Variants in HDLBP observed in about 807,000 individuals in gnomAD.
The protein encoded by HDLBP is high density lipoprotein binding protein.
A neutral mutation model predicts 137.3 loss-of-function variants in HDLBP; 30 were observed. The observed-to-expected ratio is 0.22, with a 90% CI of 0.16 to 0.30. The LOEUF is 0.30. Ranked by LOEUF, HDLBP falls within the 10% of genes least tolerant of loss-of-function variation. The pLI is 1.00. For synonymous variants in HDLBP, 606 were observed against 596.0 expected, an observed-to-expected ratio of 1.02 and a Z score of -0.24; for missense variants, 1,119 against 1,667.3, an observed-to-expected ratio of 0.67 and a Z score of 5.73.
At chr2:241,311,288 T>C (rs1341077207) in intron 1 of HDLBP, among the ~76,000 whole-genome samples, 1 of 152,092 alleles carries the variant, frequency 6.6e-6, no homozygotes, top group East Asian at 1.9e-4. Flanking sequence ...CGGAGCAAAA[T>C]GATGTCCAAA....
intron 1 of HDLBP, among the ~76,000 whole-genome samples, chr2:241,292,440 A>G (rs908859976): frequency 2.6e-5 from 4 of 152,232 alleles, no homozygotes; most frequent in Admixed American, 2.6e-4. Flanking sequence ...ACCAAATGCA[A>G]TGTGGAGACC....
rs773929734 is a variant in HDLBP at position 241,239,941 on chromosome 2, C to T, written c.2351G>A (p.Arg784Gln). Residue 784 changes from arginine (R) to glutamine (Q), a missense_variant, in exon 18 of 28, where the codon CGA becomes CAA. By Grantham distance (43) the Arg-to-Gln change is conservative. Transcript: ENST00000310931. This position sits in a 1 kb window ranked among gnomAD's most constrained non-coding sequence, Gnocchi z 4.6. ...ITIIGKEDAV[R>Q]EAQKELEALI... Reference sequence around the variant, plus strand: ...GGCCTCCAGCTCCTTCTGTGCCTCTCGGACGGCGTCCTCCTTTCCAATGAT... The same window carrying T: ...GGCCTCCAGCTCCTTCTGTGCCTCTTGGACGGCGTCCTCCTTTCCAATGAT... The T allele has an allele frequency of 5.5e-5, 89 of 1,614,080 alleles. No homozygotes were observed. The highest frequency in any genetic ancestry group is 8.3e-5 in the Admixed American group (5 of 60,012).
intron 1 of HDLBP, among the ~76,000 whole-genome samples, chr2:241,287,862 A>G (rs747492105): frequency 1.8e-4 from 27 of 152,260 alleles, no homozygotes; most frequent in Non-Finnish European, 2.9e-4. Flanking sequence ...AGTCCTCAAC[A>G]AGCATCAACA....
chr2:241,261,194 CAAAA>C (rs5839776), intron 5 of HDLBP, among the ~76,000 whole-genome samples: 5 of 106,642 alleles, frequency 4.7e-5, no homozygotes, highest in African/African-American at 3.7e-5. Flanking sequence ...GATCCTGTCT[CAAAA>C]AAAAAAAAAA....
At chr2:241,249,387 A>G (rs760869751) in intron 12 of HDLBP, 47 of 472,736 alleles carry the variant, frequency 9.9e-5, no homozygotes, top group East Asian at 2.8e-4. Flanking sequence ...GCTTGGCATA[A>G]GCATGTATGA....
intron 11 of HDLBP, chr2:241,250,229 A>G: frequency 2.7e-6 from 1 of 367,402 alleles, no homozygotes; most frequent in Non-Finnish European, 4.9e-6. Context: ...AAATGCCCCG[A>G]GACCTTCAAA....
In HDLBP at chr2:241,229,581, G is replaced by T. The variant is rs770709432; in HGVS notation, c.*20C>A. 21 of 1,585,250 alleles carry T rather than the reference G, an allele frequency of 1.3e-5. No individual in the cohort carries two copies. Among genetic ancestry groups the T allele is most frequent in the Admixed American group, 1.7e-5 (1 of 59,838 alleles). ...GGGTTTGGGTCAGCAGGCTGGAGAG[G>T]GTTCTGTTCTTTTTGATCATTATCG... On this transcript the variant is annotated 3_prime_UTR_variant, in exon 28 of 28. Coordinates refer to ENST00000310931, the MANE Select transcript of HDLBP (RefSeq NM_005336.6).
At position 241,255,138 on chromosome 2, in the gene HDLBP, G is replaced by A. The variant is rs779766290; in HGVS notation, c.1101C>T (p.Ser367=). 3 of 1,614,156 alleles carry A rather than the reference G, an allele frequency of 1.9e-6. No individual in the cohort carries two copies. The South Asian group carries it at 3.3e-5, about 18-fold the overall frequency. ...GAAGCCAGGAAGGGGCGGCGACAGA[G>A]GAGACGGTGAAGCTATTGGCCTAAG... ...VYAKANSFTV[S]SVAAPSWLHR... is the part of the protein sequence containing the mutation. The change falls in exon 9 of 28, where the codon TCC becomes TCT. Residue 367 remains serine, a synonymous_variant. Coordinates refer to ENST00000310931, the MANE Select transcript of HDLBP (RefSeq NM_005336.6).
At chr2:241,236,588 G>A (rs769821351) in intron 21 of HDLBP, 27 bp downstream of exon 21, 97 of 1,611,478 alleles carry the variant, frequency 6.0e-5, no homozygotes, top group Non-Finnish European at 7.9e-5. Flanking sequence ...CTTGGCGGGG[G>A]GTGGAGGGGG....
At chr2:241,274,137 G>A (rs1280965302) in intron 1 of HDLBP, among the ~76,000 whole-genome samples, 1 of 152,184 alleles carries the variant, frequency 6.6e-6, no homozygotes, top group Non-Finnish European at 1.5e-5. Context: ...AAGACTGGAT[G>A]GATAAGGGGG....
chr2:241,264,574 G>A lies in HDLBP; in HGVS notation c.108C>T (p.Asp36=). The A allele has an allele frequency of 6.2e-7, 1 of 1,613,862 alleles. No individual in the cohort carries two copies. The highest frequency in any genetic ancestry group is 8.5e-7 in the Non-Finnish European group (1 of 1,179,956). Residue 36 remains aspartate, a synonymous_variant, in exon 4 of 28, where the codon GAC becomes GAT. Transcript: ENST00000310931. ...GGAAGGCATCCTTGTAGGTTGGAGG[G>A]TCGCTCTCCTCTTCTGAATTTAGAG... ...VATLNSEEES[D]PPTYKDAFPP...
In HDLBP at chr2:241,262,798, T is replaced by C; in HGVS notation, c.363A>G (p.Lys121=). 1 of 1,614,192 alleles carries C rather than the reference T, an allele frequency of 6.2e-7. No individual in the cohort carries two copies. The highest frequency in any genetic ancestry group is 8.5e-7 in the Non-Finnish European group (1 of 1,180,020). ...ACACCATGATGGAGAGGCCTTGGTC[T>C]TTGGCCAAAGACAGCTCCAAGTGAG... The part of the protein sequence containing the change: ...TGAHLELSLA[K]DQGLSIMVSG... Residue 121 remains lysine, a synonymous_variant, in exon 5 of 28, where the codon AAA becomes AAG. Coordinates refer to ENST00000310931, the MANE Select transcript of HDLBP (RefSeq NM_005336.6).
chr2:241,281,505 A>C (rs897165435), intron 1 of HDLBP, among the ~76,000 whole-genome samples: 1 of 152,194 alleles, frequency 6.6e-6, no homozygotes, highest in African/African-American at 2.4e-5. Flanking sequence ...TGGCTGACCA[A>C]GTGAGACCCT....
chr2:241,233,648 G>A lies in HDLBP; in HGVS notation c.3288+172C>T, dbSNP rs1204803298. On this transcript the variant is annotated intron_variant, in intron 24 of 27. Transcript: ENST00000310931. This position sits in a 1 kb window ranked among gnomAD's most constrained non-coding sequence, Gnocchi z 4.3. Reference sequence around the variant, plus strand: ...TAGTGCCAGAGACCTCACCCATCTGGCAAGTACCGAGACACAGCCCAAACC... The same window carrying A: ...TAGTGCCAGAGACCTCACCCATCTGACAAGTACCGAGACACAGCCCAAACC... Among the ~76,000 whole-genome samples the A allele has an allele frequency of 6.6e-6, 1 of 152,132 alleles. No individual in the cohort carries two copies. The highest frequency in any genetic ancestry group is 2.4e-5 in the African/African-American group (1 of 41,420).
In HDLBP at chr2:241,228,894, C is replaced by T. The variant is rs2069388952; in HGVS notation, c.*707G>A. ...CAGGGGACCCAGATGGTGCCTACCA[C>T]CTTGCCTCCAGGCTCCACTCACCAG... On this transcript the variant is annotated 3_prime_UTR_variant, in exon 28 of 28. Coordinates refer to ENST00000310931, the MANE Select transcript of HDLBP (RefSeq NM_005336.6). The T allele has an allele frequency of 6.5e-6, 1 of 152,830 alleles. No homozygotes were observed. The highest frequency in any genetic ancestry group is 2.4e-5 in the African/African-American group (1 of 41,450). 9.5% of individuals were successfully genotyped at this position (152,830 alleles called of 1,614,324 possible). A position where few individuals can be genotyped will look rare whatever the true frequency, so the allele number is the denominator to read the frequency against.
intron 1 of HDLBP, chr2:241,280,230 TTTA>T: frequency 1.8e-6 from 1 of 541,256 alleles, no homozygotes; most frequent in South Asian, 7.9e-5. Context: ...ATATTACATT[TTTA>T]TTAGCACAAA....
Position 241,256,210 on chromosome 2 carries a change from G to T in HDLBP, c.847C>A (p.Arg283Ser). The T allele has an allele frequency of 6.2e-7, 1 of 1,614,042 alleles. No individual in the cohort carries two copies. The highest frequency in any genetic ancestry group is 8.5e-7 in the Non-Finnish European group (1 of 1,179,964). The change falls in exon 7 of 28, where the codon CGC (arginine) becomes AGC (serine). Residue 283 changes from arginine to serine, a missense_variant. By Grantham distance (110) the Arg-to-Ser change is moderately radical. Coordinates refer to ENST00000310931, the MANE Select transcript of HDLBP (RefSeq NM_005336.6). Reference protein sequence around the residue: ...EKEQLAQAVARIKKIYEEKKK... With the variant: ...EKEQLAQAVASIKKIYEEKKK... ...TTCTCCTCATAAATCTTCTTGATGC[G>T]AGCCACAGCCTGAGCCAACTGTTCC...
Position 241,227,416 on chromosome 2 carries a change from T to A in HDLBP, c.*2185A>T, listed in dbSNP as rs987666453. 1.3e-5 allele frequency: 2 copies of A among 152,560 alleles called. No individual in the cohort carries two copies. The highest frequency in any genetic ancestry group is 4.8e-5 in the African/African-American group (2 of 41,438). The allele number at this position is 152,560 out of a possible 1,614,324, so 9.5% of individuals were successfully genotyped here. On this transcript the variant is annotated 3_prime_UTR_variant, in exon 28 of 28. Coordinates refer to ENST00000310931, the MANE Select transcript of HDLBP (RefSeq NM_005336.6). ...AAGGCCAAGGGATGGATTGTAGCTA[T>A]GGAAACAGATGATATGGAAGACATC...
intron 14 of HDLBP, 159 bp from the exon 15 acceptor site, chr2:241,247,301 G>A: frequency 3.2e-6 from 2 of 617,352 alleles, no homozygotes; most frequent in Admixed American, 2.8e-5. Flanking sequence ...TAGATCATTT[G>A]TCCAACAACT....
Sources: gnomAD v4.1 joint callset for allele counts (sites outside exome capture counted in the v4.1 genomes callset) on GRCh38, gnomAD v4.1.1 for gene constraint, Gnocchi (gnomAD v3.1) non-coding constraint, MANE v1.5 for transcripts, NCBI Gene and HGNC (gene_info 2026-07-23, HGNC 2026-07-21) for gene names.